RNGTT: variants seen among roughly 807,000 people sequenced by gnomAD.
The protein encoded by RNGTT is RNA guanylyltransferase and 5'-phosphatase, also known as mRNA-capping enzyme.
Under a neutral mutation model 79.3 loss-of-function variants are expected in RNGTT, and 33 were observed. That is an observed-to-expected ratio of 0.42 (90% confidence interval 0.32 to 0.56). RNGTT has a LOEUF of 0.56. RNGTT is among the 20% of genes least tolerant of loss of function. The pLI is 0.17. For synonymous variants in RNGTT, 222 were observed against 235.9 expected (o/e 0.94, Z 0.54); for missense variants, 497 against 739.1 (o/e 0.67, Z 3.80).
chr6:88,830,280 T>C (rs1369502759), intron 11 of RNGTT, among the ~76,000 whole-genome samples: 1 of 152,154 alleles, frequency 6.6e-6, no homozygotes, highest in African/African-American at 2.4e-5. Flanking sequence ...AACCTGCTCC[T>C]GAATGACTAC....
intron 13 of RNGTT, among the ~76,000 whole-genome samples, chr6:88,763,925 T>G (rs1204599046): frequency 6.6e-6 from 1 of 152,168 alleles, no homozygotes; most frequent in Non-Finnish European, 1.5e-5. Flanking sequence ...ATTTTTAAGT[T>G]GAAATCAGAA....
chr6:88,792,317 A>G (rs187165817), intron 12 of RNGTT, among the ~76,000 whole-genome samples: 1 of 152,284 alleles, frequency 6.6e-6, no homozygotes, highest in African/African-American at 2.4e-5. Context: ...CTTCCTCCTT[A>G]CAAATAAGAC....
chr6:88,765,464 C>T (rs1009130426), intron 13 of RNGTT, among the ~76,000 whole-genome samples: 3 of 152,112 alleles, frequency 2.0e-5, no homozygotes, highest in African/African-American at 4.8e-5. Flanking sequence ...TTAATCCCCA[C>T]AAAACCTGAT....
chr6:88,891,933 G>T lies in RNGTT; in HGVS notation c.685-18C>A. 1 of 1,445,314 alleles carries T rather than the reference G, an allele frequency of 6.9e-7. No homozygotes were observed. The highest frequency in any genetic ancestry group is 2.3e-5 in the Admixed American group (1 of 43,808). 89.5% of individuals were successfully genotyped at this position (1,445,314 alleles called of 1,614,324 possible). A position where few individuals can be genotyped will look rare whatever the true frequency, so the allele number is the denominator to read the frequency against. On this transcript the variant is annotated intron_variant, in intron 6 of 15. Coordinates refer to ENST00000369485, the MANE Select transcript of RNGTT (RefSeq NM_003800.5). ...ATAGCGCCCTTTAAAAAAAAAATAA[G>T]AAAAATAAGGGAAAGAAAAATATTT...
intron 13 of RNGTT, among the ~76,000 whole-genome samples, chr6:88,762,737 T>C (rs934055962): frequency 2.0e-5 from 3 of 152,216 alleles, no homozygotes; most frequent in Admixed American, 1.3e-4. Flanking sequence ...GACTTACATG[T>C]ATTATGTCAT....
intron 13 of RNGTT, among the ~76,000 whole-genome samples, chr6:88,733,109 A>G (rs1275892478): frequency 6.6e-6 from 1 of 152,214 alleles, no homozygotes; most frequent in Non-Finnish European, 1.5e-5. Flanking sequence ...CTGTAATCCC[A>G]GCACTTTGGA....
intron 11 of RNGTT, among the ~76,000 whole-genome samples, chr6:88,825,611 T>A (rs1325313019): frequency 6.6e-6 from 1 of 152,218 alleles, no homozygotes. Context: ...AAATGTTTAT[T>A]TGAATACATG....
intron 6 of RNGTT, among the ~76,000 whole-genome samples, chr6:88,899,065 G>T (rs1018388380): frequency 1.3e-5 from 2 of 151,188 alleles, no homozygotes; most frequent in Non-Finnish European, 2.9e-5. Flanking sequence ...TTACTTATAT[G>T]AGTAAAATAT....
intron 2 of RNGTT, among the ~76,000 whole-genome samples, chr6:88,937,570 TTTA>T (rs1193575038): frequency 6.6e-6 from 1 of 152,180 alleles, no homozygotes; most frequent in Non-Finnish European, 1.5e-5. Flanking sequence ...TGCTCTGATC[TTTA>T]TTATTTCTTT....
intron 13 of RNGTT, among the ~76,000 whole-genome samples, chr6:88,678,938 A>C (rs1466289125): frequency 6.6e-6 from 1 of 152,154 alleles, no homozygotes; most frequent in Non-Finnish European, 1.5e-5. Flanking sequence ...ATCGTTTTTC[A>C]ATAAAAGTTA....
intron 13 of RNGTT, among the ~76,000 whole-genome samples, chr6:88,710,438 T>C (rs540022852): frequency 3.3e-5 from 5 of 152,322 alleles, no homozygotes; most frequent in East Asian, 1.9e-4. Context: ...GAACGAAATA[T>C]AACAATTTAA....
chr6:88,921,386 C>G (rs1784160672), intron 4 of RNGTT, among the ~76,000 whole-genome samples: 1 of 151,864 alleles, frequency 6.6e-6, no homozygotes, highest in African/African-American at 2.4e-5. Context: ...CAGTTGACAA[C>G]TGATTCAGTT....
intron 14 of RNGTT, among the ~76,000 whole-genome samples, chr6:88,661,417 G>A (rs937967351): frequency 2.6e-5 from 4 of 152,002 alleles, no homozygotes; most frequent in Admixed American, 1.3e-4. Flanking sequence ...TTGACAGACC[G>A]TTAGTGAGAT....
chr6:88,785,667 C>T lies in RNGTT; in HGVS notation c.1339-15793G>A, dbSNP rs1054988415. Among the ~76,000 whole-genome samples the T allele has an allele frequency of 5.3e-5, 8 of 152,144 alleles. No homozygotes were observed. The East Asian group carries it at 1.4e-3, about 26-fold the overall frequency. The stretch of plus-strand genomic sequence containing the variant: ...ATGAAGACCTATCAAAATATGCAAG[C>T]AAATGTCATGGAAACAGAAGCTCTC... On this transcript the variant is annotated intron_variant, in intron 12 of 15. Transcript: ENST00000369485.
At chr6:88,881,132 G>A (rs1408492572) in intron 8 of RNGTT, among the ~76,000 whole-genome samples, 1 of 152,136 alleles carries the variant, frequency 6.6e-6, no homozygotes, top group African/African-American at 2.4e-5. Context: ...ATGTATTTTA[G>A]GGAATGTCAG....
At chr6:88,936,493 A>T (rs551081018) in intron 2 of RNGTT, among the ~76,000 whole-genome samples, 1 of 152,298 alleles carries the variant, frequency 6.6e-6, no homozygotes, top group Non-Finnish European at 1.5e-5. Context: ...CCCAATTAGT[A>T]TGACGTTAGC....
At chr6:88,630,977 G>A (rs1022176863) in intron 14 of RNGTT, among the ~76,000 whole-genome samples, 18 of 152,230 alleles carry the variant, frequency 1.2e-4, no homozygotes, top group Middle Eastern at 3.4e-3. Context: ...CATTTAAAAT[G>A]TTTACTTTAT....
At chr6:88,845,498 C>T (rs978544341) in intron 10 of RNGTT, among the ~76,000 whole-genome samples, 4 of 152,170 alleles carry the variant, frequency 2.6e-5, no homozygotes, top group South Asian at 2.1e-4. Flanking sequence ...TAGTAATTAT[C>T]GCTTCAATGG....
At chr6:88,787,676 A>AG (rs1299335611) in intron 12 of RNGTT, among the ~76,000 whole-genome samples, 1 of 149,186 alleles carries the variant, frequency 6.7e-6, no homozygotes, top group East Asian at 1.9e-4. Context: ...AAAAAAAAAA[A>AG]AGGAGTGAAG....
Sources: gnomAD v4.1 joint callset for allele counts (sites outside exome capture counted in the v4.1 genomes callset) on GRCh38, gnomAD v4.1.1 for gene constraint, MANE v1.5 for transcripts, NCBI Gene and HGNC (gene_info 2026-07-23, HGNC 2026-07-21) for gene names.